The following PHACTR2 variants were observed in gnomAD, a reference collection of about 807,000 sequenced individuals.
PHACTR2 encodes the protein chromosome 6 open reading frame 56.
In PHACTR2, 30 loss-of-function variants were observed where a neutral mutation model predicts 76.0. That is an observed-to-expected ratio of 0.39 (90% CI 0.30 to 0.54). The LOEUF (loss-of-function observed/expected upper bound fraction) is 0.54, where lower values mean the gene tolerates loss of function less well. Ranked by LOEUF, PHACTR2 falls within the 20% of genes least tolerant of loss-of-function variation. PHACTR2 has a pLI of 0.61. For synonymous variants in PHACTR2, 292 were observed against 292.5 expected, an observed-to-expected ratio of 1.00 and a Z score of 0.02; for missense variants, 696 against 781.1, an observed-to-expected ratio of 0.89 and a Z score of 1.30.
At chr6:143,673,008 A>G (rs1420567535), upstream of PHACTR2, among the ~76,000 whole-genome samples, 9 of 152,148 alleles carry the variant, frequency 5.9e-5, no homozygotes, top group Non-Finnish European at 1.3e-4. Context: ...TACAGGCATG[A>G]GTCACCACTC....
rs1454280367 is a variant in PHACTR2 at position 143,789,985 on chromosome 6, A to G, written c.1845+1075A>G. The stretch of plus-strand genomic sequence containing the variant: ...GAATATTGAGAAGAAATGTCCGTGA[A>G]GTGGGGAAAGAGGAGAAGCTGGTAG... On this transcript the variant is annotated intron_variant, in intron 11 of 12. Transcript: ENST00000440869. The surrounding 1 kb of genome is among the most constrained non-coding windows in gnomAD (Gnocchi z 5.1). Among the ~76,000 whole-genome samples the G allele has an allele frequency of 6.6e-6, 1 of 152,222 alleles. No homozygotes were observed. The highest frequency in any genetic ancestry group is 1.9e-4 in the East Asian group (1 of 5,194).
At chr6:143,643,249 A>G (rs2128444520) in intron 1 of PHACTR2, among the ~76,000 whole-genome samples, 1 of 152,264 alleles carries the variant, frequency 6.6e-6, no homozygotes, top group South Asian at 2.1e-4. Context: ...GATTGGCTTC[A>G]GAAGTGTTTT....
In PHACTR2 at chr6:143,592,956, G is replaced by A. The variant is rs1302234988; in HGVS notation, c.217+55749G>A. On this transcript the variant is annotated intron_variant, in intron 1 of 11. Transcript: ENST00000367584. This position sits in a 1 kb window ranked among gnomAD's most constrained non-coding sequence, Gnocchi z 4.0. Reference sequence around the variant, plus strand: ...CTTGTGAGGGTGAGGTGGGAGGATCGCTTGAGCCTGGGAAGTCGATACTAT... The same window carrying A: ...CTTGTGAGGGTGAGGTGGGAGGATCACTTGAGCCTGGGAAGTCGATACTAT... Among the ~76,000 whole-genome samples the A allele has an allele frequency of 3.3e-5, 5 of 149,636 alleles. No individual in the cohort carries two copies. The East Asian group carries it at 7.9e-4, about 23-fold the overall frequency.
At chr6:143,687,328 G>C (rs973430022) in intron 1 of PHACTR2, among the ~76,000 whole-genome samples, 1 of 152,152 alleles carries the variant, frequency 6.6e-6, no homozygotes, top group Non-Finnish European at 1.5e-5. Flanking sequence ...AAGGAAACAA[G>C]AATTGTAAGA....
rs144077213 is a variant in PHACTR2, at chr6:143,783,005, A to ATGTGTG, written c.1646-188_1646-183dup. Among the ~76,000 whole-genome samples, 17,522 of 146,080 alleles carry ATGTGTG rather than the reference A, an allele frequency of 0.12. 1,490 individuals are homozygous for ATGTGTG. Among genetic ancestry groups the ATGTGTG allele is most frequent in the African/African-American group, 0.23 (9,195 of 39,548 alleles). ...AGCAAACCAGTCCTACAAAAAAAGC[A>ATGTGTG]TGTGTGTGTGTGTGTGTGTGTGTGT... On this transcript the variant is annotated intron_variant, in intron 9 of 12. Coordinates refer to ENST00000440869, the MANE Select transcript of PHACTR2 (RefSeq NM_001100164.2). This position sits in a 1 kb window ranked among gnomAD's most constrained non-coding sequence, Gnocchi z 5.2.
intron 2 of PHACTR2, among the ~76,000 whole-genome samples, chr6:143,724,513 T>C (rs2128464110): frequency 6.6e-6 from 1 of 152,204 alleles, no homozygotes; most frequent in African/African-American, 2.4e-5. Flanking sequence ...TCTTTCACCT[T>C]CCCTTTTAGT....
rs1036495178 is a variant in PHACTR2 at position 143,825,610 on chromosome 6, C to G, written c.*1921C>G. The G allele has an allele frequency of 7.9e-5, 12 of 151,930 alleles. No individual in the cohort carries two copies. The highest frequency in any genetic ancestry group is 7.9e-4 in the Admixed American group (12 of 15,254). 9.4% of individuals were successfully genotyped at this position (151,930 alleles called of 1,614,324 possible). A position where few individuals can be genotyped will look rare whatever the true frequency, so the allele number is the denominator to read the frequency against. ...GTTTCAATCCAGCCATAAAAATTAACTTGTGATTTTTTTTTTCCCAAAGTC... is the reference window on the plus strand; with the variant it reads ...GTTTCAATCCAGCCATAAAAATTAAGTTGTGATTTTTTTTTTCCCAAAGTC... On this transcript the variant is annotated 3_prime_UTR_variant, in exon 13 of 13. Transcript: ENST00000440869. The surrounding 1 kb of genome is among the most constrained non-coding windows in gnomAD (Gnocchi z 4.1).
At chr6:143,538,197 G>C (rs550170141) in intron 1 of PHACTR2, among the ~76,000 whole-genome samples, 25 of 152,232 alleles carry the variant, frequency 1.6e-4, no homozygotes, top group Non-Finnish European at 3.2e-4. Context: ...CCCGTGCACC[G>C]GGACCGACGA....
rs1779172388 is a variant in PHACTR2 at position 143,751,045 on chromosome 6, G to A, written c.295+1980G>A. 6.6e-6 allele frequency among the ~76,000 whole-genome samples: 1 copy of A among 152,140 alleles called. No individual in the cohort carries two copies. The highest frequency in any genetic ancestry group is 1.5e-5 in the Non-Finnish European group (1 of 68,034). The stretch of plus-strand genomic sequence containing the variant: ...TGATTTTCCCAAAAGCAATTATCTG[G>A]AGAATTTCAGTCTGAGAGACTAGAA... On this transcript the variant is annotated intron_variant, in intron 3 of 12. Coordinates refer to ENST00000440869, the MANE Select transcript of PHACTR2 (RefSeq NM_001100164.2). The surrounding 1 kb of genome is among the most constrained non-coding windows in gnomAD (Gnocchi z 5.7).
At position 143,789,511 on chromosome 6, in the gene PHACTR2, A is replaced by T. The variant is rs1775628523; in HGVS notation, c.1845+601A>T. On this transcript the variant is annotated intron_variant, in intron 11 of 12. Coordinates refer to ENST00000440869, the MANE Select transcript of PHACTR2 (RefSeq NM_001100164.2). The surrounding 1 kb of genome is among the most constrained non-coding windows in gnomAD (Gnocchi z 5.1). Reference sequence around the variant, plus strand: ...AATCATTGCACACAATTCCTGAAAAATGAAATATACAGTGGGTTCTATCAA... The same window carrying T: ...AATCATTGCACACAATTCCTGAAAATTGAAATATACAGTGGGTTCTATCAA... 6.6e-6 allele frequency: 1 copy of T among 152,294 alleles called. No individual in the cohort carries two copies. The highest frequency in any genetic ancestry group is 2.4e-5 in the African/African-American group (1 of 41,454). The allele number at this position is 152,294 out of a possible 1,614,324, so 9.4% of individuals were successfully genotyped here.
In PHACTR2 at chr6:143,760,501, G is replaced by C; in HGVS notation, c.555G>C (p.Val185=). Residue 185 remains valine, a synonymous_variant, in exon 5 of 13, where the codon GTG becomes GTC. Transcript: ENST00000440869. The surrounding 1 kb of genome is among the most constrained non-coding windows in gnomAD (Gnocchi z 6.4). Reference sequence around the variant, plus strand: ...AACCTAAACCCAAAAAATCACCTGTGCCTCCGAAAGGGGCCACTGCTGGGG... The same window carrying C: ...AACCTAAACCCAAAAAATCACCTGTCCCTCCGAAAGGGGCCACTGCTGGGG... ...RPKPKPKKSP[V]PPKGATAGAS... 1 of 1,613,876 alleles carries C rather than the reference G, an allele frequency of 6.2e-7. No individual in the cohort carries two copies.
intron 2 of PHACTR2, among the ~76,000 whole-genome samples, chr6:143,732,447 G>A (rs1027992891): frequency 2.0e-5 from 3 of 152,156 alleles, no homozygotes; most frequent in Non-Finnish European, 4.4e-5. Context: ...GTTGTAGCGT[G>A]TATCAGTACA....
chr6:143,609,820 G>A (rs1775948941), intron 1 of PHACTR2, among the ~76,000 whole-genome samples: 1 of 152,110 alleles, frequency 6.6e-6, no homozygotes, highest in South Asian at 2.1e-4. Flanking sequence ...AGAAACTCCT[G>A]TGGCAGACTT....
chr6:143,613,013 C>T (rs1394704468), intron 1 of PHACTR2, among the ~76,000 whole-genome samples: 1 of 152,210 alleles, frequency 6.6e-6, no homozygotes, highest in African/African-American at 2.4e-5. Flanking sequence ...CGGAGTCTTG[C>T]TCTGTCGCCC....
intron 1 of PHACTR2, among the ~76,000 whole-genome samples, chr6:143,687,396 T>G (rs918643511): frequency 2.0e-5 from 3 of 152,206 alleles, no homozygotes; most frequent in African/African-American, 7.2e-5. Context: ...CAACATCTTT[T>G]CTTTGGGGAC....
chr6:143,790,437 A>G (rs1398955118), intron 11 of PHACTR2, among the ~76,000 whole-genome samples: 1 of 152,120 alleles, frequency 6.6e-6, no homozygotes, highest in Non-Finnish European at 1.5e-5. Context: ...ACCCTTGAGG[A>G]CGGAGGGAGA....
chr6:143,667,742 C>T (rs2128449876), intron 1 of PHACTR2, among the ~76,000 whole-genome samples: 1 of 152,304 alleles, frequency 6.6e-6, no homozygotes, highest in Non-Finnish European at 1.5e-5. Context: ...TGAGACTTTG[C>T]TGAAGTTGCT....
intron 12 of PHACTR2, among the ~76,000 whole-genome samples, chr6:143,808,484 G>A (rs941285672): frequency 6.6e-6 from 1 of 151,978 alleles, no homozygotes; most frequent in Non-Finnish European, 1.5e-5. Flanking sequence ...AAATAACACA[G>A]AGCATAAAAC....
rs1376323723 is a variant in PHACTR2, at chr6:143,709,690, G to C, written c.47-2326G>C. On this transcript the variant is annotated intron_variant, in intron 1 of 12. Coordinates refer to ENST00000440869, the MANE Select transcript of PHACTR2 (RefSeq NM_001100164.2). The surrounding 1 kb of genome is among the most constrained non-coding windows in gnomAD (Gnocchi z 4.4). ...ATGTGTGTGGGGTGTCCTTGTTACTGTTGGGCACAGGTAGAATTTCCAGAT... is the reference window on the plus strand; with the variant it reads ...ATGTGTGTGGGGTGTCCTTGTTACTCTTGGGCACAGGTAGAATTTCCAGAT... Among the ~76,000 whole-genome samples, 1 of 152,148 alleles carries C rather than the reference G, an allele frequency of 6.6e-6. No homozygotes were observed. The highest frequency in any genetic ancestry group is 1.5e-5 in the Non-Finnish European group (1 of 68,020).
Sources: gnomAD v4.1 joint callset for allele counts (sites outside exome capture counted in the v4.1 genomes callset) on GRCh38, gnomAD v4.1.1 for gene constraint, Gnocchi (gnomAD v3.1) non-coding constraint, MANE v1.5 for transcripts, NCBI Gene and HGNC (gene_info 2026-07-23, HGNC 2026-07-21) for gene names.